PCDHGB2: variants seen among roughly 807,000 people sequenced by gnomAD.
The protein encoded by PCDHGB2 is protocadherin gamma subfamily B, 2.
A neutral mutation model predicts 59.3 loss-of-function variants in PCDHGB2; 55 were observed. The ratio of observed to expected loss-of-function variants is 0.93; its 90% CI spans 0.75 to 1.16. PCDHGB2 has a LOEUF of 1.16. Ranked by LOEUF, PCDHGB2 falls within the 50% of genes most tolerant of loss-of-function variation. PCDHGB2 has a pLI of 0.00. For synonymous variants in PCDHGB2, 516 were observed against 512.0 expected (o/e 1.01, Z -0.11); for missense variants, 1,228 against 1,198.5 (o/e 1.02, Z -0.36).
At chr5:141,471,073 G>A (rs2099249169) in intron 1 of PCDHGB2, among the ~76,000 whole-genome samples, 2 of 143,298 alleles carry the variant, frequency 1.4e-5, no homozygotes, top group Non-Finnish European at 3.0e-5. Flanking sequence ...TTTTGAGACA[G>A]GGTCTCCCTC....
intron 1 of PCDHGB2, chr5:141,390,167 G>A: frequency 6.2e-7 from 1 of 1,614,028 alleles, no homozygotes; most frequent in Non-Finnish European, 8.5e-7. Context: ...GAAAGACGGA[G>A]TTTAATTTCC....
At chr5:141,509,071 G>T (rs1209992467) in intron 3 of PCDHGB2, among the ~76,000 whole-genome samples, 1 of 152,176 alleles carries the variant, frequency 6.6e-6, no homozygotes, top group Admixed American at 6.5e-5. Flanking sequence ...CAGCTCCGGG[G>T]ATTTGCGACA....
chr5:141,406,294 G>C (rs1399208737), intron 1 of PCDHGB2, among the ~76,000 whole-genome samples: 1 of 151,910 alleles, frequency 6.6e-6, no homozygotes, highest in East Asian at 1.9e-4. Flanking sequence ...CACTGGGTGA[G>C]GTGTGAACCA....
intron 1 of PCDHGB2, among the ~76,000 whole-genome samples, chr5:141,462,448 G>A (rs1435453503): frequency 6.6e-6 from 1 of 152,022 alleles, no homozygotes; most frequent in Non-Finnish European, 1.5e-5. Context: ...ACACAACTGT[G>A]TAACTGAAAA....
At chr5:141,411,958 GAT>G (rs1485546812) in intron 1 of PCDHGB2, 1 of 152,192 alleles carries the variant, frequency 6.6e-6, no homozygotes, top group African/African-American at 2.4e-5. Flanking sequence ...GAAGAAAAAA[GAT>G]AAAATCTTTG....
At chr5:141,365,186 G>T in intron 1 of PCDHGB2, 1 of 1,613,880 alleles carries the variant, frequency 6.2e-7, no homozygotes, top group Non-Finnish European at 8.5e-7. Flanking sequence ...CAATGAAGAA[G>T]AAAAAATTTC....
At chr5:141,413,677 G>C (rs539552615) in intron 1 of PCDHGB2, 1 of 1,613,794 alleles carries the variant, frequency 6.2e-7, no homozygotes, top group South Asian at 1.1e-5. Context: ...GGATGTGGGC[G>C]TGAACTCCCT....
intron 1 of PCDHGB2, chr5:141,397,910 C>G (rs1016162515): frequency 1.3e-5 from 9 of 680,688 alleles, no homozygotes; most frequent in Non-Finnish European, 2.2e-5. Flanking sequence ...GCTTGGCGCT[C>G]CAGATCTCCT....
chr5:141,421,548 G>A, intron 1 of PCDHGB2: 19 of 1,613,984 alleles, frequency 1.2e-5, no homozygotes, highest in Non-Finnish European at 1.6e-5. Flanking sequence ...TTTTAAATAT[G>A]GAACTTCTCG....
intron 1 of PCDHGB2, chr5:141,372,326 C>T (rs760968250): frequency 3.3e-5 from 54 of 1,613,610 alleles, no homozygotes; most frequent in Non-Finnish European, 4.3e-5. Context: ...GCCTGCTGGT[C>T]ACTGTGCGTG....
At chr5:141,417,556 A>C (rs1240389709) in intron 1 of PCDHGB2, 1 of 333,096 alleles carries the variant, frequency 3.0e-6, no homozygotes, top group Non-Finnish European at 5.4e-6. Context: ...TGAAAGAGGT[A>C]GAGAAAAGTC....
At position 141,429,997 on chromosome 5, in the gene PCDHGB2, G is replaced by A. The variant is rs536289272; in HGVS notation, c.2422-64810G>A. Among the ~76,000 whole-genome samples, 3 of 152,240 alleles carry A rather than the reference G, an allele frequency of 2.0e-5. No homozygotes were observed. The East Asian group carries it at 5.8e-4, about 29-fold the overall frequency. On this transcript the variant is annotated intron_variant, in intron 1 of 3. Transcript: ENST00000522605. ...TCTACTTTATGCTAAAAATATTAAT[G>A]TTTCTTTTTCACTTGGGTTCTTGTT... is the stretch of plus-strand genomic sequence containing the variant.
intron 1 of PCDHGB2, chr5:141,408,968 C>T (rs752629281): frequency 6.2e-7 from 1 of 1,613,702 alleles, no homozygotes; most frequent in Non-Finnish European, 8.5e-7. Context: ...TGAAAATCTG[C>T]CCCCTGGGTC....
chr5:141,447,312 G>C (rs2098534178), intron 1 of PCDHGB2, among the ~76,000 whole-genome samples: 2 of 151,918 alleles, frequency 1.3e-5, no homozygotes, highest in African/African-American at 2.4e-5. Flanking sequence ...GCTAATTTTT[G>C]TATTTTTAGT....
chr5:141,490,906 G>A lies in PCDHGB2; in HGVS notation c.2422-3901G>A, dbSNP rs2099705910. 1 of 1,613,798 alleles carries A rather than the reference G, an allele frequency of 6.2e-7. No individual in the cohort carries two copies. Among genetic ancestry groups the A allele is most frequent in the Non-Finnish European group, 8.5e-7 (1 of 1,179,808 alleles). ...CACATCTCTGCATGTGTTTGTCCTA[G>A]ACGAGAATGATAATGCCCCAGCTGT... On this transcript the variant is annotated intron_variant, in intron 1 of 3. Coordinates refer to ENST00000522605, the MANE Select transcript of PCDHGB2 (RefSeq NM_018923.3). The surrounding 1 kb of genome is among the most constrained non-coding windows in gnomAD (Gnocchi z 5.4).
chr5:141,383,486 T>C, intron 1 of PCDHGB2: 1 of 1,613,372 alleles, frequency 6.2e-7, no homozygotes, highest in Non-Finnish European at 8.5e-7. Context: ...GAACTGGTGC[T>C]GGAGCGGGTG....
chr5:141,481,901 G>A (rs1297925755), intron 1 of PCDHGB2, among the ~76,000 whole-genome samples: 2 of 125,298 alleles, frequency 1.6e-5, no homozygotes, highest in Non-Finnish European at 3.2e-5. Context: ...GTGAAAGAGC[G>A]AAACTCCATC....
chr5:141,423,880 G>C, intron 1 of PCDHGB2: 1 of 1,282,292 alleles, frequency 7.8e-7, no homozygotes, highest in Non-Finnish European at 9.9e-7. Context: ...TTTCAATCTT[G>C]GCATATTTTC....
At position 141,444,152 on chromosome 5, in the gene PCDHGB2, A is replaced by ATTT. The variant is rs747671382; in HGVS notation, c.2422-50621_2422-50619dup. 1.9e-3 allele frequency among the ~76,000 whole-genome samples: 66 copies of ATTT among 33,898 alleles called. 23 individuals are homozygous for ATTT. Among genetic ancestry groups the ATTT allele is most frequent in the African/African-American group, 4.6e-3 (33 of 7,184 alleles). The allele number at this position is 33,898 out of a possible 152,430, so 22.2% of individuals were successfully genotyped here. A position where few individuals can be genotyped will look rare whatever the true frequency, so the allele number is the denominator to read the frequency against. On this transcript the variant is annotated intron_variant, in intron 1 of 3. Transcript: ENST00000522605. Reference sequence around the variant, plus strand: ...GATATGTGTCACTTGTGTGTACTGGATTTTTTTTTTTTTTTTTTTTTTTTT... The same window carrying ATTT: ...GATATGTGTCACTTGTGTGTACTGGATTTTTTTTTTTTTTTTTTTTTTTTTTTT...
Sources: allele counts gnomAD v4.1 joint callset (sites outside exome capture counted in the v4.1 genomes callset), GRCh38; gene constraint gnomAD v4.1.1; non-coding constraint Gnocchi (gnomAD v3.1); transcripts MANE v1.5; gene names NCBI Gene and HGNC (gene_info 2026-07-23, HGNC 2026-07-21).